The following ARHGAP22 variants were observed in gnomAD, a reference collection of about 807,000 sequenced individuals.
The protein encoded by ARHGAP22 is Rho GTPase activating protein 22.
In ARHGAP22, 48 loss-of-function variants were observed where a neutral mutation model predicts 59.1. The observed-to-expected ratio is 0.81, with a 90% CI of 0.64 to 1.03. The LOEUF (loss-of-function observed/expected upper bound fraction) is 1.03, where lower values mean the gene tolerates loss of function less well. ARHGAP22 is among the 50% of genes least tolerant of loss of function. The pLI, the probability that ARHGAP22 is intolerant of heterozygous loss-of-function variation, is 0.00. For missense variants in ARHGAP22, 1,015 were observed against 958.7 expected, an observed-to-expected ratio of 1.06 and a Z score of -0.78; for synonymous variants, 445 against 416.4, an observed-to-expected ratio of 1.07 and a Z score of -0.84.
intron 1 of ARHGAP22, among the ~76,000 whole-genome samples, chr10:48,613,917 A>G (rs1167884264): frequency 6.6e-6 from 1 of 152,182 alleles, no homozygotes; most frequent in African/African-American, 2.4e-5. Flanking sequence ...TTATTGTGAG[A>G]TTGGATTGTT....
intron 3 of ARHGAP22, among the ~76,000 whole-genome samples, chr10:48,496,741 G>C (rs1271720647): frequency 6.6e-6 from 1 of 152,178 alleles, no homozygotes; most frequent in Non-Finnish European, 1.5e-5. Context: ...CCGTGTGCCG[G>C]TTGCTACTTT....
intron 1 of ARHGAP22, among the ~76,000 whole-genome samples, chr10:48,590,418 C>A (rs1806437): frequency 8.6e-5 from 13 of 151,766 alleles, no homozygotes; most frequent in African/African-American, 3.1e-4. Flanking sequence ...ACACTGTCCT[C>A]GGTTGTGGTG....
chr10:48,472,201 C>T (rs2048297222), intron 4 of ARHGAP22, among the ~76,000 whole-genome samples: 2 of 150,662 alleles, frequency 1.3e-5, no homozygotes, highest in Non-Finnish European at 2.9e-5. Flanking sequence ...GAGCAAGACT[C>T]AGTCTCAAAA....
chr10:48,446,739 G>A, intron 9 of ARHGAP22, 120 bp from the exon 10 acceptor site: 2 of 983,532 alleles, frequency 2.0e-6, no homozygotes, highest in South Asian at 1.7e-5. Context: ...GGCGGCAGGA[G>A]GAAACCCTGG....
chr10:48,451,000 T>A lies in ARHGAP22; in HGVS notation c.1129A>T (p.Arg377Trp). ...CCGCCGGGCTCTCCTTGGCTGTCCCTGGTGACCTCCTCGGAGCCCCACCCC... is the reference window on the plus strand; with the variant it reads ...CCGCCGGGCTCTCCTTGGCTGTCCCAGGTGACCTCCTCGGAGCCCCACCCC... The part of the protein sequence containing the change: ...AVGWGSEEVT[R>W]DSQGEPGGPG... The change falls in exon 9 of 10, where the codon AGG becomes TGG. Residue 377 changes from arginine to tryptophan, a missense_variant. Transcript: ENST00000249601. The A allele has an allele frequency of 6.4e-7, 1 of 1,558,544 alleles. No homozygotes were observed. The highest frequency in any genetic ancestry group is 1.2e-5 in the South Asian group (1 of 84,670).
At chr10:48,608,991 C>T (rs2060779891), upstream of ARHGAP22, among the ~76,000 whole-genome samples, 1 of 152,166 alleles carries the variant, frequency 6.6e-6, no homozygotes, top group Admixed American at 6.5e-5. Context: ...TGCATCTCTT[C>T]TCAACTCTAA....
chr10:48,515,673 T>C lies in ARHGAP22; in HGVS notation c.323-35909A>G, dbSNP rs76198046. 1.8e-4 allele frequency among the ~76,000 whole-genome samples: 28 copies of C among 152,296 alleles called. No individual in the cohort carries two copies. The East Asian group carries it at 4.8e-3, about 26-fold the overall frequency. ...TGAGGATAGACCATTTACTAAATCA[T>C]AAAGTAAGCCTTAAAAATTTTAAAG... On this transcript the variant is annotated intron_variant, in intron 3 of 9. Transcript: ENST00000249601.
At chr10:48,447,468 G>T (rs2045474628) in intron 9 of ARHGAP22, among the ~76,000 whole-genome samples, 1 of 152,216 alleles carries the variant, frequency 6.6e-6, no homozygotes, top group Non-Finnish European at 1.5e-5. Flanking sequence ...CCAGGGGCCA[G>T]CACAGCACCT....
Position 48,453,445 on chromosome 10 carries a change from C to T in ARHGAP22, c.867-20G>A, listed in dbSNP as rs945130051. On this transcript the variant is annotated intron_variant, in intron 7 of 9. Transcript: ENST00000249601. ...AGAAACCTGCAAAGTAAGGAAGCAG[C>T]AGTCATCAAAGAAGCAAGTTGTGAT... The T allele has an allele frequency of 1.2e-6, 2 of 1,612,708 alleles. No homozygotes were observed. Among genetic ancestry groups the T allele is most frequent in the African/African-American group, 2.7e-5 (2 of 74,928 alleles).
At chr10:48,536,007 G>T (rs1432780458) in intron 3 of ARHGAP22, among the ~76,000 whole-genome samples, 2 of 152,244 alleles carry the variant, frequency 1.3e-5, no homozygotes, top group Non-Finnish European at 2.9e-5. Flanking sequence ...TGTGGAAGGA[G>T]AAAGGCGCAG....
In ARHGAP22 at chr10:48,635,171, G is replaced by A. The variant is rs377517683; in HGVS notation, c.52+17063C>T. 2.4e-3 allele frequency among the ~76,000 whole-genome samples: 359 copies of A among 152,196 alleles called. 2 individuals are homozygous for A. The highest frequency in any genetic ancestry group is 8.0e-3 in the African/African-American group (332 of 41,516). ...AGGCTAGGCTCCTTCTGGGTCCACC[G>A]TGAATGAAGCACTTCACCTTGTTTC... On this transcript the variant is annotated intron_variant, in intron 1 of 9. Coordinates refer to the ARHGAP22 transcript ENST00000435790.
rs375289109 is a variant in ARHGAP22 at position 48,446,443 on chromosome 10, G to A, written c.2045C>T (p.Ser682Leu). Residue 682 changes from serine (S) to leucine (L), a missense_variant, in exon 10 of 10, where the codon TCG becomes TTG. Ser to Leu is a moderately radical substitution (Grantham distance 145, BLOSUM62 -2). Transcript: ENST00000249601. ...CCCAACAGTCAAGCTTCCTAGGGTC[G>A]AAAAAAACTCCTCCATTTCCCTCTG... Reference protein sequence around the residue: ...LLQREMEEFFSTLGSLTVGAK... With the variant: ...LLQREMEEFFLTLGSLTVGAK... 5.6e-6 allele frequency: 9 copies of A among 1,613,920 alleles called. No individual in the cohort carries two copies. The East Asian group carries it at 6.7e-5, about 12-fold the overall frequency.
At chr10:48,580,868 AC>A (rs36006479) in intron 2 of ARHGAP22, among the ~76,000 whole-genome samples, 61,306 of 150,458 alleles carry the variant, frequency 0.41, 13,326 homozygotes, top group Non-Finnish European at 0.49. Context: ...ATACAATTTA[AC>A]CCCTAGCTCA....
At chr10:48,491,948 C>T (rs2050439399) in intron 3 of ARHGAP22, among the ~76,000 whole-genome samples, 1 of 152,200 alleles carries the variant, frequency 6.6e-6, no homozygotes, top group South Asian at 2.1e-4. Flanking sequence ...AGGGCACCAG[C>T]CCCAGGTGAC....
chr10:48,611,889 G>A (rs11596517), intron 1 of ARHGAP22, among the ~76,000 whole-genome samples: 19 of 39,330 alleles, frequency 4.8e-4, no homozygotes, highest in African/African-American at 1.7e-3. Flanking sequence ...CTCCCCTCCC[G>A]TCCCCTTCAC....
chr10:48,576,377 C>T (rs1311223201), intron 2 of ARHGAP22, among the ~76,000 whole-genome samples: 2 of 152,218 alleles, frequency 1.3e-5, no homozygotes, highest in Non-Finnish European at 2.9e-5. Context: ...TGTGGCCCTG[C>T]TGCATTCCGT....
At chr10:48,648,248 A>G (rs2062396377) in intron 1 of ARHGAP22, among the ~76,000 whole-genome samples, 1 of 152,210 alleles carries the variant, frequency 6.6e-6, no homozygotes, top group Non-Finnish European at 1.5e-5. Context: ...CAATGCCATG[A>G]AGAAAAAAAG....
intron 1 of ARHGAP22, among the ~76,000 whole-genome samples, chr10:48,591,204 A>G (rs1196883230): frequency 1.3e-5 from 2 of 152,210 alleles, no homozygotes; most frequent in Non-Finnish European, 2.9e-5. Flanking sequence ...CAGACTCAAA[A>G]AGAAATGAAG....
Position 48,519,013 on chromosome 10 carries a change from G to A in ARHGAP22, c.322+36450C>T, listed in dbSNP as rs72785128. ...GGTCAGAGGCCTGAGCCAGGAAAGTGACTAAAGATTCTGATGAGTTTGCCA... is the reference window on the plus strand; with the variant it reads ...GGTCAGAGGCCTGAGCCAGGAAAGTAACTAAAGATTCTGATGAGTTTGCCA... On this transcript the variant is annotated intron_variant, in intron 3 of 9. Coordinates refer to ENST00000249601, the MANE Select transcript of ARHGAP22 (RefSeq NM_021226.4). Among the ~76,000 whole-genome samples, 913 of 152,306 alleles carry A rather than the reference G, an allele frequency of 6.0e-3. 5 individuals are homozygous for A. Among genetic ancestry groups the A allele is most frequent in the Admixed American group, 0.011 (163 of 15,304 alleles).
Sources: gnomAD v4.1 joint callset for allele counts (sites outside exome capture counted in the v4.1 genomes callset) on GRCh38, gnomAD v4.1.1 for gene constraint, MANE v1.5 for transcripts, NCBI Gene and HGNC (gene_info 2026-07-23, HGNC 2026-07-21) for gene names.